Variants in RBM18 observed in about 807,000 individuals in gnomAD.
The protein encoded by RBM18 is probable RNA-binding protein 18.
A neutral mutation model predicts 26.4 loss-of-function variants in RBM18; 18 were observed. The observed-to-expected ratio is 0.68, with a 90% confidence interval of 0.47 to 1.01. The LOEUF (loss-of-function observed/expected upper bound fraction) is 1.01. RBM18 is among the 50% of genes least tolerant of loss of function. The pLI is 0.00. For missense variants in RBM18, 180 were observed against 219.2 expected, an observed-to-expected ratio of 0.82 and a Z score of 1.13; for synonymous variants, 74 against 81.1, an observed-to-expected ratio of 0.91 and a Z score of 0.47.
intron 2 of RBM18, among the ~76,000 whole-genome samples, chr9:122,252,292 G>T (rs372371058): frequency 6.6e-6 from 1 of 152,212 alleles, no homozygotes; most frequent in East Asian, 1.9e-4. Flanking sequence ...CAAAAATAGT[G>T]TTGATTTATT....
At chr9:122,245,964 C>G (rs193157055) in intron 4 of RBM18, among the ~76,000 whole-genome samples, 8 of 152,254 alleles carry the variant, frequency 5.3e-5, no homozygotes. Flanking sequence ...TGCACTCCAG[C>G]CTGGGTGACA....
chr9:122,249,709 A>T (rs1383159695), intron 3 of RBM18, among the ~76,000 whole-genome samples: 1 of 127,488 alleles, frequency 7.8e-6, no homozygotes, highest in Non-Finnish European at 1.7e-5. Context: ...ACCCTGTCTC[A>T]AAAAAAAAAA....
chr9:122,249,545 A>G (rs1831564399), intron 3 of RBM18, among the ~76,000 whole-genome samples: 2 of 151,338 alleles, frequency 1.3e-5, no homozygotes, highest in Admixed American at 6.6e-5. Flanking sequence ...CCCCGCTTCT[A>G]CAAAAAATAC....
At chr9:122,257,762 G>A (rs774935007) in intron 2 of RBM18, among the ~76,000 whole-genome samples, 2 of 152,238 alleles carry the variant, frequency 1.3e-5, no homozygotes, top group South Asian at 2.1e-4. Context: ...AATGGGAGAC[G>A]TATTCAAATC....
intron 4 of RBM18, 62 bp from the exon 5 acceptor site, chr9:122,245,403 G>A (rs1035389986): frequency 8.0e-6 from 8 of 997,138 alleles, no homozygotes; most frequent in Non-Finnish European, 1.3e-5. Context: ...TACTGTAGTG[G>A]ATGGGTTCAG....
chr9:122,254,042 A>G (rs1329195802), intron 2 of RBM18, among the ~76,000 whole-genome samples: 1 of 151,752 alleles, frequency 6.6e-6, no homozygotes, highest in East Asian at 1.9e-4. Context: ...AAAAAAAAGA[A>G]AAAAAACCCA....
intron 3 of RBM18, among the ~76,000 whole-genome samples, chr9:122,251,082 TAA>T (rs1243446935): frequency 6.6e-6 from 1 of 151,840 alleles, no homozygotes; most frequent in East Asian, 1.9e-4. Flanking sequence ...CCATCACACA[TAA>T]TTAAAAAAAT....
chr9:122,242,137 A>G (rs1406471564), intron 5 of RBM18, 94 bp from the exon 6 acceptor site: 5 of 1,163,278 alleles, frequency 4.3e-6, no homozygotes, highest in African/African-American at 3.1e-5. Flanking sequence ...GGAATATTAG[A>G]GACGCAACAA....
rs1282733774 is a variant in RBM18 at position 122,238,041 on chromosome 9, A to G, written c.*3843T>C. On this transcript the variant is annotated 3_prime_UTR_variant, in exon 6 of 6. Transcript: ENST00000417201. ...GCCAGTTTGCTGAACACTGGACTAG[A>G]TGTTTGCAGGCCTGGGTTCTACCTA... 2.0e-5 allele frequency: 3 copies of G among 152,208 alleles called. No homozygotes were observed. Among genetic ancestry groups the G allele is most frequent in the Non-Finnish European group, 4.4e-5 (3 of 68,040 alleles). The allele number at this position is 152,208 out of a possible 1,614,324, so 9.4% of individuals were successfully genotyped here.
chr9:122,256,065 C>A (rs934895598), intron 2 of RBM18, among the ~76,000 whole-genome samples: 8 of 151,456 alleles, frequency 5.3e-5, no homozygotes, highest in Non-Finnish European at 1.0e-4. Context: ...ACAACAACAA[C>A]AAAAACCAAA....
Position 122,247,471 on chromosome 9 carries a change from G to C in RBM18, c.327+47C>G, listed in dbSNP as rs1831522543. The C allele has an allele frequency of 2.7e-6, 4 of 1,508,424 alleles. No individual in the cohort carries two copies. In the South Asian group the frequency reaches 3.4e-5, roughly 13 times the overall value. 93.4% of individuals were successfully genotyped at this position (1,508,424 alleles called of 1,614,324 possible). ...TAAGTGGACAACCATCTTTCAGAAG[G>C]CTTGTTTAGGATGAGGCTTGATGTC... On this transcript the variant is annotated intron_variant, in intron 4 of 5. Coordinates refer to ENST00000417201, the MANE Select transcript of RBM18 (RefSeq NM_033117.4).
At chr9:122,264,457 G>A (rs1256845129) in intron 1 of RBM18, 2 of 152,226 alleles carry the variant, frequency 1.3e-5, no homozygotes, top group Admixed American at 6.5e-5. Flanking sequence ...ATAGTCATCT[G>A]GGGAAAGTGC....
rs1294430190 is a variant in RBM18, at chr9:122,241,961, C to T, written c.496G>A (p.Val166Ile). 3 of 1,614,064 alleles carry T rather than the reference C, an allele frequency of 1.9e-6. No individual in the cohort carries two copies. The highest frequency in any genetic ancestry group is 2.2e-5 in the East Asian group (1 of 44,876). ...TCTGGTGGCTTAAAGTAGGAATAAA[C>T]AGGCGCTGCTGGATACTCTGCATCA... ...NPDAEYPAAP[V>I]YSYFKPPDKK... The change falls in exon 6 of 6, where the codon GTT becomes ATT. Residue 166 changes from valine (V) to isoleucine (I), a missense_variant. By Grantham distance (29) the Val-to-Ile change is conservative. Transcript: ENST00000417201.
At chr9:122,253,791 C>T (rs1335015461) in intron 2 of RBM18, among the ~76,000 whole-genome samples, 4 of 151,178 alleles carry the variant, frequency 2.6e-5, no homozygotes, top group African/African-American at 4.9e-5. Flanking sequence ...TTTGGGAGGC[C>T]GAGGTGGGTG....
intron 5 of RBM18, among the ~76,000 whole-genome samples, chr9:122,242,884 T>C (rs1295360543): frequency 6.6e-6 from 1 of 152,044 alleles, no homozygotes; most frequent in Non-Finnish European, 1.5e-5. Context: ...TGGAGTGCAG[T>C]GGTGTGATTT....
At position 122,240,127 on chromosome 9, in the gene RBM18, A is replaced by G. The variant is rs192078963; in HGVS notation, c.*1757T>C. Reference sequence around the variant, plus strand: ...GGAAACAACTCTATATATAATTCTAAGTTTTTTCTAAGTTCCTATTAAAAA... The same window carrying G: ...GGAAACAACTCTATATATAATTCTAGGTTTTTTCTAAGTTCCTATTAAAAA... On this transcript the variant is annotated 3_prime_UTR_variant, in exon 6 of 6. Transcript: ENST00000417201. 3.3e-5 allele frequency: 5 copies of G among 152,344 alleles called. No individual in the cohort carries two copies. The East Asian group carries it at 9.6e-4, about 29-fold the overall frequency. The allele number at this position is 152,344 out of a possible 1,614,324, so 9.4% of individuals were successfully genotyped here.
rs1234407611 is a variant in RBM18 at position 122,245,265 on chromosome 9, G to T, written c.404C>A (p.Ser135Tyr). The T allele has an allele frequency of 3.1e-6, 5 of 1,589,598 alleles. No homozygotes were observed. In the Admixed American group the frequency reaches 8.4e-5, roughly 27 times the overall value. Residue 135 changes from serine to tyrosine, a missense_variant, in exon 5 of 6, where the codon TCT becomes TAT. By Grantham distance (144) the Ser-to-Tyr change is moderately radical. This residue lies in a region of RBM18 where 103 missense variants were observed against 102.8 expected (regional missense o/e 1.00). Transcript: ENST00000417201. ...EPSSSTEPTQ[S>Y]NLSVTAKIKA... ...TAGTACATCATCTTACCTTAGGTTA[G>T]ACTGAGTAGGCTCAGTGCTTGAGGA...
At chr9:122,251,765 T>C in intron 3 of RBM18, 82 bp downstream of exon 3, 1 of 1,320,356 alleles carries the variant, frequency 7.6e-7, no homozygotes. Flanking sequence ...AGGGAACTGC[T>C]ATTCTAGTAG....
At chr9:122,255,940 A>G (rs1165152160) in intron 2 of RBM18, among the ~76,000 whole-genome samples, 1 of 151,994 alleles carries the variant, frequency 6.6e-6, no homozygotes, top group African/African-American at 2.4e-5. Context: ...CTGAGGTGGG[A>G]GGATTGCTTG....
Sources: gnomAD v4.1 joint callset for allele counts (sites outside exome capture counted in the v4.1 genomes callset) on GRCh38, gnomAD v4.1.1 for gene constraint, gnomAD v4.1.1 regional missense constraint, MANE v1.5 for transcripts, NCBI Gene and HGNC (gene_info 2026-07-23, HGNC 2026-07-21) for gene names.